Variants in LRP2BP observed in about 807,000 individuals in gnomAD.
The protein encoded by LRP2BP is LRP2-binding protein.
Under a neutral mutation model 45.2 loss-of-function variants are expected in LRP2BP, and 38 were observed. That is an observed-to-expected ratio of 0.84 (90% CI 0.65 to 1.10). The LOEUF is 1.10. Among genes scored for constraint, LRP2BP ranks in the 50% least tolerant of loss-of-function variants. The pLI, the probability that LRP2BP is intolerant of heterozygous loss-of-function variation, is 0.00. For missense variants in LRP2BP, 385 were observed against 418.9 expected, an observed-to-expected ratio of 0.92 and a Z score of 0.71; for synonymous variants, 153 against 153.9, an observed-to-expected ratio of 0.99 and a Z score of 0.04.
intron 8 of LRP2BP, chr4:185,369,972 T>C (rs2095409575): frequency 4.0e-6 from 1 of 248,308 alleles, no homozygotes; most frequent in Admixed American, 5.5e-5. Context: ...CCAAGTCTGC[T>C]ATGATGTAAT....
intron 1 of LRP2BP, among the ~76,000 whole-genome samples, chr4:185,383,432 A>G (rs2095461412): frequency 6.6e-6 from 1 of 152,224 alleles, no homozygotes; most frequent in African/African-American, 2.4e-5. Context: ...ATGAGCTATG[A>G]CTGTGCCATT....
chr4:185,393,092 C>G (rs1348095283), intron 1 of LRP2BP, among the ~76,000 whole-genome samples: 1 of 152,146 alleles, frequency 6.6e-6, no homozygotes, highest in African/African-American at 2.4e-5. Context: ...CACCACACAC[C>G]TGGCTAATTT....
chr4:185,396,654 TC>T (rs538205808), upstream of LRP2BP: 905 of 493,516 alleles, frequency 1.8e-3, 8 homozygotes, highest in African/African-American at 0.018. Context: ...GCCCGCCCCC[TC>T]CCCCTGCCCC....
chr4:185,372,426 C>G (rs150982862), intron 7 of LRP2BP, among the ~76,000 whole-genome samples: 4 of 152,364 alleles, frequency 2.6e-5, no homozygotes, highest in African/African-American at 9.6e-5. Context: ...GCATTAGACA[C>G]ATTTCAAGTG....
intron 1 of LRP2BP, among the ~76,000 whole-genome samples, chr4:185,384,726 C>T (rs1010280607): frequency 2.0e-5 from 3 of 151,440 alleles, no homozygotes; most frequent in Non-Finnish European, 4.4e-5. Flanking sequence ...ATTACTATTG[C>T]CTAACAGTAG....
intron 1 of LRP2BP, among the ~76,000 whole-genome samples, chr4:185,385,278 C>A (rs1033328282): frequency 2.6e-5 from 4 of 151,956 alleles, no homozygotes; most frequent in Non-Finnish European, 5.9e-5. Flanking sequence ...GGAGCCGATA[C>A]TGTTACAGTT....
chr4:185,383,010 A>G (rs2095459923), intron 1 of LRP2BP, among the ~76,000 whole-genome samples: 1 of 152,198 alleles, frequency 6.6e-6, no homozygotes, highest in African/African-American at 2.4e-5. Flanking sequence ...AAAGGTCCAA[A>G]TCAGTTCTTT....
rs1348248577 is a variant in LRP2BP, at chr4:185,367,154, T to C, written c.*26A>G. 1.9e-6 allele frequency: 3 copies of C among 1,589,816 alleles called. No individual in the cohort carries two copies. The highest frequency in any genetic ancestry group is 1.7e-6 in the Non-Finnish European group (2 of 1,160,668). On this transcript the variant is annotated 3_prime_UTR_variant, in exon 9 of 9. Transcript: ENST00000505916. Reference sequence around the variant, plus strand: ...ACACATTGTGAGGTGTTAGCATTGATGATCTTTGTTGAAATACATTGTGGT... The same window carrying C: ...ACACATTGTGAGGTGTTAGCATTGACGATCTTTGTTGAAATACATTGTGGT...
At chr4:185,375,787 C>T (rs1417175167) in intron 3 of LRP2BP, 61 bp from the exon 4 acceptor site, 2 of 1,095,872 alleles carry the variant, frequency 1.8e-6, no homozygotes, top group Non-Finnish European at 2.7e-6. Context: ...ATCCCAAAGG[C>T]ACCAAGTGGT....
In LRP2BP at chr4:185,395,876, G is replaced by A. The variant is rs2095500886; in HGVS notation, c.-1119C>T. Reference sequence around the variant, plus strand: ...AGGGGAAAAGAAACACTCGGCTGGAGCTTTGGTTTCTAAGCAGATCCTTCT... The same window carrying A: ...AGGGGAAAAGAAACACTCGGCTGGAACTTTGGTTTCTAAGCAGATCCTTCT... On this transcript the variant is annotated 5_prime_UTR_variant, in exon 1 of 9. Coordinates refer to ENST00000505916, the MANE Select transcript of LRP2BP (RefSeq NM_001377440.1). The A allele has an allele frequency of 1.0e-6, 1 of 985,396 alleles. No individual in the cohort carries two copies. Among genetic ancestry groups the A allele is most frequent in the African/African-American group, 1.7e-5 (1 of 57,258 alleles). The allele number at this position is 985,396 out of a possible 1,614,324, so 61.0% of individuals were successfully genotyped here.
At chr4:185,371,108 T>C (rs1401813781) in intron 7 of LRP2BP, 3 of 278,170 alleles carry the variant, frequency 1.1e-5, no homozygotes, top group African/African-American at 6.3e-5. Flanking sequence ...GGAAGTTTAA[T>C]GTCACTTTGT....
Position 185,367,105 on chromosome 4 carries a change from C to A in LRP2BP, c.*75G>T. On this transcript the variant is annotated 3_prime_UTR_variant, in exon 9 of 9. Transcript: ENST00000505916. ...TGTAATTTGTGATGTGCAAAATAAC[C>A]AAACATAGCTACTGTAAAAATACAC... 1 of 1,270,146 alleles carries A rather than the reference C, an allele frequency of 7.9e-7. No homozygotes were observed. Among genetic ancestry groups the A allele is most frequent in the Admixed American group, 1.9e-5 (1 of 53,488 alleles). 78.7% of individuals were successfully genotyped at this position (1,270,146 alleles called of 1,614,324 possible).
At chr4:185,368,157 A>G (rs370509376) in intron 8 of LRP2BP, among the ~76,000 whole-genome samples, 12 of 152,260 alleles carry the variant, frequency 7.9e-5, no homozygotes, top group Non-Finnish European at 8.8e-5. Flanking sequence ...CAGCCTGGGC[A>G]ACAGAGCCAG....
At chr4:185,367,294 G>A in intron 8 of LRP2BP, 49 bp from the exon 9 acceptor site, 4 of 1,459,286 alleles carry the variant, frequency 2.7e-6, no homozygotes. Flanking sequence ...AATTGTTTGG[G>A]TCTTTCTTCT....
At chr4:185,378,491 T>C in intron 1 of LRP2BP, 1 of 1,129,620 alleles carries the variant, frequency 8.9e-7, no homozygotes, top group Non-Finnish European at 1.1e-6. Flanking sequence ...TACATCAAGA[T>C]GGGTCAAGTC....
chr4:185,366,688 AAAATTTTAAATGACTGAAAATTT>A lies in LRP2BP; in HGVS notation c.*469_*491del, dbSNP rs796524084. On this transcript the variant is annotated 3_prime_UTR_variant, in exon 9 of 9. Coordinates refer to ENST00000505916, the MANE Select transcript of LRP2BP (RefSeq NM_001377440.1). ...TAGTTTTGTGAAATTTTAAATTTTT[AAAATTTTAAATGACTGAAAATTT>A]AAATTTTAAATGACTGAAACAAAAT... 3.9e-5 allele frequency: 6 copies of A among 152,210 alleles called. No homozygotes were observed. The highest frequency in any genetic ancestry group is 9.6e-5 in the African/African-American group (4 of 41,454). The allele number at this position is 152,210 out of a possible 1,614,324, so 9.4% of individuals were successfully genotyped here.
chr4:185,395,355 T>C lies in LRP2BP; in HGVS notation c.-598A>G. 1 of 985,464 alleles carries C rather than the reference T, an allele frequency of 1.0e-6. No individual in the cohort carries two copies. The highest frequency in any genetic ancestry group is 1.2e-6 in the Non-Finnish European group (1 of 829,906). The allele number at this position is 985,464 out of a possible 1,614,324, so 61.0% of individuals were successfully genotyped here. A position where few individuals can be genotyped will look rare whatever the true frequency, so the allele number is the denominator to read the frequency against. ...TTCAAAACTGTAAGAACGTGTCTGA[T>C]ACCCTTTATTAGTTAGGAATTCCTG... On this transcript the variant is annotated 5_prime_UTR_variant, in exon 1 of 9. Transcript: ENST00000505916.
rs1184917973 is a variant in LRP2BP at position 185,374,494 on chromosome 4, T to A, written c.331-33A>T. The A allele has an allele frequency of 3.1e-6, 5 of 1,601,024 alleles. No individual in the cohort carries two copies. The South Asian group carries it at 5.6e-5, about 18-fold the overall frequency. On this transcript the variant is annotated intron_variant, in intron 4 of 8. Coordinates refer to ENST00000505916, the MANE Select transcript of LRP2BP (RefSeq NM_001377440.1). ...AAAAGAAAGAGCAAAAAAACCCTAG[T>A]TTTTAGTTTTACCCAAACTGAATTT... is the stretch of plus-strand genomic sequence containing the variant.
At chr4:185,375,498 A>ATATATATATATATATATATATG (rs2095432724) in intron 4 of LRP2BP, 115 bp downstream of exon 4, 1 of 60,308 alleles carries the variant, frequency 1.7e-5, no homozygotes, top group Non-Finnish European at 2.7e-5. Context: ...ATATATATAT[A>ATATATATATATATATATATATG]TATATATATA....
Sources: gnomAD v4.1 joint callset for allele counts (sites outside exome capture counted in the v4.1 genomes callset) on GRCh38, gnomAD v4.1.1 for gene constraint, MANE v1.5 for transcripts, NCBI Gene and HGNC (gene_info 2026-07-23, HGNC 2026-07-21) for gene names.